Variants in FGF13 observed in about 807,000 individuals in gnomAD.
The protein encoded by FGF13 is fibroblast growth factor 13, also known as fibroblast growth factor homologous factor 2.
Under a neutral mutation model 19.5 loss-of-function variants are expected in FGF13, and 2 were observed. The observed-to-expected ratio is 0.10, with a 90% confidence interval of 0.04 to 0.32. The LOEUF is 0.32. Ranked by LOEUF, FGF13 falls within the 10% of genes least tolerant of loss-of-function variation. The pLI, the probability that FGF13 is intolerant of heterozygous loss-of-function variation, is 1.00. For synonymous variants in FGF13, 72 were observed against 76.9 expected (o/e 0.94, Z 0.33); for missense variants, 113 against 192.7 (o/e 0.59, Z 2.45).
intron 3 of FGF13, among the ~76,000 whole-genome samples, chrX:138,639,016 GCAAC>G (rs2089216970): frequency 9.0e-6 from 1 of 111,636 alleles, no homozygotes; most frequent in East Asian, 2.8e-4. Context: ...GAATGCTGAA[GCAAC>G]CAAAGGAGTG....
chrX:138,952,839 A>G lies in FGF13; in HGVS notation c.-112-88189T>C, dbSNP rs778839560. On this transcript the variant is annotated intron_variant, in intron 1 of 2. Coordinates refer to the FGF13 transcript ENST00000421460. ...GACACATGAAAAAATGCTCATCATC[A>G]CTGGCCATCAGAGAAATGCAAATCA... Among the ~76,000 whole-genome samples the G allele has an allele frequency of 1.9e-3, 213 of 111,391 alleles. 2 individuals carry two copies. Among genetic ancestry groups the G allele is most frequent in the African/African-American group, 6.7e-3 (206 of 30,635 alleles).
intron 1 of FGF13, among the ~76,000 whole-genome samples, chrX:138,903,984 T>C (rs960709769): frequency 9.0e-6 from 1 of 111,273 alleles, no homozygotes; most frequent in Admixed American, 9.6e-5. Context: ...ATTGACTATG[T>C]ATAAATGGAT....
At chrX:138,685,476 C>A (rs1394530329) in intron 3 of FGF13, among the ~76,000 whole-genome samples, 2 of 110,784 alleles carry the variant, frequency 1.8e-5, no homozygotes, top group Non-Finnish European at 3.8e-5. Context: ...AAAAAATGGA[C>A]AAAATGATGA....
rs901016768 is a variant in FGF13, at chrX:138,626,100, A to G, written c.*6750T>C. 4.5e-5 allele frequency: 5 copies of G among 112,074 alleles called. No homozygotes were observed. The highest frequency in any genetic ancestry group is 1.6e-4 in the African/African-American group (5 of 30,812). 9.2% of individuals were successfully genotyped at this position (112,074 alleles called of 1,213,427 possible). On this transcript the variant is annotated 3_prime_UTR_variant, in exon 5 of 5. Transcript: ENST00000315930. Reference sequence around the variant, plus strand: ...AGAATAAATTACTCATTAGGTTTCTACAAAACATGTAGAGCAACTCCATTT... The same window carrying G: ...AGAATAAATTACTCATTAGGTTTCTGCAAAACATGTAGAGCAACTCCATTT...
At chrX:138,933,848 G>A (rs2091717619) in intron 1 of FGF13, among the ~76,000 whole-genome samples, 1 of 111,591 alleles carries the variant, frequency 9.0e-6, no homozygotes, top group South Asian at 3.8e-4. Flanking sequence ...CTACCAGTCT[G>A]TGAGGTTACT....
chrX:139,011,735 C>T (rs1201150543), intron 1 of FGF13, among the ~76,000 whole-genome samples: 1 of 111,366 alleles, frequency 9.0e-6, no homozygotes, highest in African/African-American at 3.3e-5. Context: ...AACATTATAC[C>T]GAACGGGCAA....
At chrX:138,921,928 A>AAAT (rs2091647259) in intron 1 of FGF13, among the ~76,000 whole-genome samples, 1 of 105,289 alleles carries the variant, frequency 9.5e-6, no homozygotes, top group Non-Finnish European at 1.9e-5. Context: ...GCAAACATAA[A>AAAT]ACAATCAGAA....
At chrX:138,712,342 C>T (rs2090063266), upstream of FGF13, among the ~76,000 whole-genome samples, 1 of 111,721 alleles carries the variant, frequency 9.0e-6, no homozygotes, top group Non-Finnish European at 1.9e-5. Flanking sequence ...TGCGCCCCCT[C>T]ATCTGTCCGC....
chrX:138,780,417 C>T (rs1451360675), intron 3 of FGF13, among the ~76,000 whole-genome samples: 4 of 91,221 alleles, frequency 4.4e-5, no homozygotes, highest in Non-Finnish European at 8.4e-5. Context: ...ATTCAGGAAA[C>T]CCATCTCACC....
At chrX:138,893,932 G>T (rs988067722) in intron 1 of FGF13, among the ~76,000 whole-genome samples, 9 of 111,584 alleles carry the variant, frequency 8.1e-5, no homozygotes, top group Non-Finnish European at 1.7e-4. Context: ...TTCTATTCAT[G>T]ATGTTTACAT....
chrX:138,982,467 C>T (rs2091967798), intron 1 of FGF13, among the ~76,000 whole-genome samples: 1 of 111,890 alleles, frequency 8.9e-6, no homozygotes, highest in Non-Finnish European at 1.9e-5. Context: ...AAAACCCCAG[C>T]TCAGAAGGTG....
chrX:138,857,569 C>T, exon 3 of FGF13: 9 of 1,207,559 alleles, frequency 7.5e-6, no homozygotes, highest in Non-Finnish European at 1.0e-5. Context: ...CAGAAGATTT[C>T]GTGACACTTA....
intron 3 of FGF13, among the ~76,000 whole-genome samples, chrX:138,817,818 C>CTT (rs1225821386): frequency 8.9e-6 from 1 of 112,279 alleles, no homozygotes; most frequent in Non-Finnish European, 1.9e-5. Flanking sequence ...GCCTGGCAAA[C>CTT]TTTTGTTATA....
At chrX:138,702,893 A>T in intron 3 of FGF13, 91 bp downstream of exon 3, 2 of 578,087 alleles carry the variant, frequency 3.5e-6, no homozygotes, top group South Asian at 5.7e-5. Context: ...TCATCACAGA[A>T]ATCTGTAATG....
chrX:138,885,633 G>A (rs1363756906), intron 1 of FGF13, among the ~76,000 whole-genome samples: 3 of 106,567 alleles, frequency 2.8e-5, no homozygotes, highest in African/African-American at 1.0e-4. Context: ...ATGTATCTGC[G>A]TTACATCCTC....
intron 3 of FGF13, among the ~76,000 whole-genome samples, chrX:138,700,401 G>C (rs992827194): frequency 3.1e-4 from 35 of 111,659 alleles, no homozygotes; most frequent in African/African-American, 1.1e-3. Flanking sequence ...AGGGAAGAGT[G>C]ATCCTTCCTC....
chrX:139,068,650 C>G (rs1181610361), intron 1 of FGF13, among the ~76,000 whole-genome samples: 1 of 108,651 alleles, frequency 9.2e-6, no homozygotes, highest in Non-Finnish European at 1.9e-5. Flanking sequence ...TTTGTATCCT[C>G]TTTTATTTCC....
intron 1 of FGF13, among the ~76,000 whole-genome samples, chrX:138,885,313 G>A (rs1047666238): frequency 1.8e-5 from 2 of 111,554 alleles, no homozygotes; most frequent in African/African-American, 6.5e-5. Flanking sequence ...AGGCCAAGGG[G>A]TTGAGCCAGT....
At chrX:138,766,862 TC>T (rs1220881359) in intron 3 of FGF13, among the ~76,000 whole-genome samples, 1 of 112,210 alleles carries the variant, frequency 8.9e-6, no homozygotes, top group African/African-American at 3.2e-5. Flanking sequence ...AGGGTAGTGG[TC>T]CAGCTTCAAT....
Sources: gnomAD v4.1 joint callset for allele counts (sites outside exome capture counted in the v4.1 genomes callset) on GRCh38, gnomAD v4.1.1 for gene constraint, MANE v1.5 for transcripts, NCBI Gene and HGNC (gene_info 2026-07-23, HGNC 2026-07-21) for gene names.